The following ACO2 variants were observed in gnomAD, a reference collection of about 807,000 sequenced individuals.
The protein encoded by ACO2 is aconitase 2, also known as aconitate hydratase, mitochondrial.
ACO2 carries 31 observed loss-of-function variants against 84.5 expected under a neutral mutation model. The ratio of observed to expected loss-of-function variants is 0.37; its 90% CI spans 0.28 to 0.50. The LOEUF (loss-of-function observed/expected upper bound fraction) is 0.50, where lower values mean the gene tolerates loss of function less well. Among genes scored for constraint, ACO2 ranks in the 20% least tolerant of loss-of-function variants. ACO2 has a pLI of 0.97. For synonymous variants in ACO2, 414 were observed against 412.7 expected (o/e 1.00, Z -0.04); for missense variants, 685 against 1,029.3 (o/e 0.67, Z 4.58).
Position 41,526,412 on chromosome 22 carries a change from C to T in ACO2, c.1912C>T (p.Gln638Ter). ...CAACTCCGTGCGCAATGCCGTCACT[C>T]AGGAGTTTGGCCCCGTCCCTGACAC... is the stretch of plus-strand genomic sequence containing the variant. ...KANSVRNAVT[Q>*]EFGPVPDTAR... The change falls in exon 15 of 18, where the codon CAG becomes TAG. Residue 638 changes from glutamine (Q) to a stop codon, truncating the protein, a stop_gained. Coordinates refer to ENST00000216254, the MANE Select transcript of ACO2 (RefSeq NM_001098.3). LOFTEE classifies it high-confidence loss of function. 1 of 1,613,830 alleles carries T rather than the reference C, an allele frequency of 6.2e-7. No homozygotes were observed. Among genetic ancestry groups the T allele is most frequent in the Non-Finnish European group, 8.5e-7 (1 of 1,179,938 alleles).
In ACO2 at chr22:41,494,270, C is replaced by T. The variant is rs1191404843; in HGVS notation, c.37-5456C>T. 7.2e-5 allele frequency among the ~76,000 whole-genome samples: 11 copies of T among 152,182 alleles called. No individual in the cohort carries two copies. In the South Asian group the frequency reaches 8.3e-4, roughly 11 times the overall value. ...GGTCACTCAGGCTGGATTTGGATCCCGCCTGAGATAATCATAGGAGCCGCT... is the reference window on the plus strand; with the variant it reads ...GGTCACTCAGGCTGGATTTGGATCCTGCCTGAGATAATCATAGGAGCCGCT... On this transcript the variant is annotated intron_variant, in intron 1 of 17. Coordinates refer to ENST00000216254, the MANE Select transcript of ACO2 (RefSeq NM_001098.3).
chr22:41,524,189 GAC>G (rs1262718736), intron 12 of ACO2, among the ~76,000 whole-genome samples: 1 of 152,200 alleles, frequency 6.6e-6, no homozygotes, highest in Non-Finnish European at 1.5e-5. Flanking sequence ...CACTGCCTAG[GAC>G]ACATCCCAGC....
intron 3 of ACO2, among the ~76,000 whole-genome samples, chr22:41,509,695 T>C (rs552860841): frequency 6.6e-6 from 1 of 151,706 alleles, no homozygotes; most frequent in Non-Finnish European, 1.5e-5. Flanking sequence ...GAGTTCTCTG[T>C]GTTTGGAAGA....
intron 1 of ACO2, among the ~76,000 whole-genome samples, chr22:41,470,774 C>T (rs184417656): frequency 6.6e-6 from 1 of 152,146 alleles, no homozygotes; most frequent in Non-Finnish European, 1.5e-5. Context: ...AACTCCTGAC[C>T]TCAAGTAATC....
At chr22:41,505,513 G>A (rs919849209) in intron 2 of ACO2, among the ~76,000 whole-genome samples, 6 of 152,032 alleles carry the variant, frequency 3.9e-5, no homozygotes, top group Admixed American at 6.6e-5. Context: ...TGGAGAGACC[G>A]GGTAGATTAG....
At chr22:41,517,239 C>G in intron 6 of ACO2, 1 of 408,172 alleles carries the variant, frequency 2.4e-6, no homozygotes, top group Non-Finnish European at 4.6e-6. Flanking sequence ...AGGCCCCAAG[C>G]TCGCAGCTCA....
intron 2 of ACO2, among the ~76,000 whole-genome samples, chr22:41,502,645 G>A (rs1290272011): frequency 6.6e-6 from 1 of 152,172 alleles, no homozygotes; most frequent in Non-Finnish European, 1.5e-5. Flanking sequence ...GCCTCACTCT[G>A]TCACCCAGGC....
chr22:41,479,766 C>T (rs561253906), intron 1 of ACO2, among the ~76,000 whole-genome samples: 72 of 152,338 alleles, frequency 4.7e-4, no homozygotes, highest in African/African-American at 1.5e-3. Flanking sequence ...AGAGAATGCC[C>T]GTCTCAAGTG....
chr22:41,469,259 G>C, intron 1 of ACO2, 77 bp downstream of exon 1: 3 of 1,536,538 alleles, frequency 2.0e-6, no homozygotes, highest in Non-Finnish European at 2.6e-6. Flanking sequence ...GGCGAGGCAG[G>C]GCGAGGCGGG....
At chr22:41,486,216 A>G (rs1006847056) in intron 1 of ACO2, among the ~76,000 whole-genome samples, 7 of 152,108 alleles carry the variant, frequency 4.6e-5, no homozygotes, top group Non-Finnish European at 7.4e-5. Flanking sequence ...TCTTCTTGGT[A>G]TCTGAGTCCT....
At position 41,515,258 on chromosome 22, in the gene ACO2, T is replaced by C. The variant is rs997186487; in HGVS notation, c.526-119T>C. The C allele has an allele frequency of 7.4e-5, 91 of 1,236,312 alleles. No homozygotes were observed. The highest frequency in any genetic ancestry group is 9.0e-5 in the Non-Finnish European group (77 of 851,534). 76.6% of individuals were successfully genotyped at this position (1,236,312 alleles called of 1,614,324 possible). A position where few individuals can be genotyped will look rare whatever the true frequency, so the allele number is the denominator to read the frequency against. ...GGCCTGGATTAAATGGGGCTGCTCC[T>C]ACCAGTTCCATCCTGGGAGAGTGGC... On this transcript the variant is annotated intron_variant, in intron 4 of 17. Coordinates refer to ENST00000216254, the MANE Select transcript of ACO2 (RefSeq NM_001098.3). This position sits in a 1 kb window ranked among gnomAD's most constrained non-coding sequence, Gnocchi z 5.8.
At chr22:41,528,113 G>C in intron 17 of ACO2, 91 bp downstream of exon 17, 1 of 1,566,194 alleles carries the variant, frequency 6.4e-7, no homozygotes, top group Non-Finnish European at 8.7e-7. Context: ...CTTCTCCCAG[G>C]AGGCTTCATT....
Position 41,527,281 on chromosome 22 carries a change from C to T in ACO2, c.1954-7C>T. ...GCCTTATAACCTTACCCCCGCTTGC[C>T]TGACAGAAACATGGCATCAGGTGGG... On this transcript the variant is annotated splice_polypyrimidine_tract_variant and splice_region_variant and intron_variant, in intron 15 of 17. Transcript: ENST00000216254. 1 of 1,614,200 alleles carries T rather than the reference C, an allele frequency of 6.2e-7. No individual in the cohort carries two copies. The highest frequency in any genetic ancestry group is 1.1e-5 in the South Asian group (1 of 91,086).
At chr22:41,496,670 G>C (rs1288509435) in intron 1 of ACO2, among the ~76,000 whole-genome samples, 7 of 152,168 alleles carry the variant, frequency 4.6e-5, no homozygotes, top group African/African-American at 1.4e-4. Context: ...CACTGTGGAA[G>C]GTCCTTTGAT....
At chr22:41,494,609 C>T (rs2066298856) in intron 1 of ACO2, among the ~76,000 whole-genome samples, 1 of 151,714 alleles carries the variant, frequency 6.6e-6, no homozygotes, top group Non-Finnish European at 1.5e-5. Flanking sequence ...TGGGGTTTCA[C>T]CACGTTGGTC....
At chr22:41,528,098 G>C (rs1283174590) in intron 17 of ACO2, 76 bp downstream of exon 17, 4 of 1,595,022 alleles carry the variant, frequency 2.5e-6, no homozygotes, top group Non-Finnish European at 3.4e-6. Context: ...CTGGCCCCAG[G>C]GTAGCTTCTC....
At chr22:41,521,563 A>AT (rs2066526774) in intron 9 of ACO2, 1 of 152,186 alleles carries the variant, frequency 6.6e-6, no homozygotes, top group Non-Finnish European at 1.5e-5. Flanking sequence ...AAATAAATAA[A>AT]AAATAAAGTT....
chr22:41,502,832 A>G (rs1234513281), intron 2 of ACO2, among the ~76,000 whole-genome samples: 1 of 151,728 alleles, frequency 6.6e-6, no homozygotes, highest in Non-Finnish European at 1.5e-5. Context: ...CTGGTCTCGA[A>G]CTCCTGACCT....
chr22:41,509,301 G>A (rs1232089189), intron 3 of ACO2, among the ~76,000 whole-genome samples: 3 of 152,092 alleles, frequency 2.0e-5, no homozygotes, highest in Non-Finnish European at 4.4e-5. Flanking sequence ...TCCCTCATGC[G>A]TTCAACAAAT....
Sources: gnomAD v4.1 joint callset for allele counts (sites outside exome capture counted in the v4.1 genomes callset) on GRCh38, gnomAD v4.1.1 for gene constraint, Gnocchi (gnomAD v3.1) non-coding constraint, MANE v1.5 for transcripts, NCBI Gene and HGNC (gene_info 2026-07-23, HGNC 2026-07-21) for gene names.